The following CHST11 variants were observed in gnomAD, a reference collection of about 807,000 sequenced individuals.
CHST11 encodes the protein C4S-1.
A neutral mutation model predicts 30.4 loss-of-function variants in CHST11; 9 were observed. The ratio of observed to expected loss-of-function variants is 0.30; its 90% CI spans 0.18 to 0.52. The LOEUF is 0.52. Among genes scored for constraint, CHST11 ranks in the 20% least tolerant of loss-of-function variants. CHST11 has a pLI of 0.97. For synonymous variants in CHST11, 152 were observed against 187.8 expected (o/e 0.81, Z 1.56); for missense variants, 348 against 460.6 (o/e 0.76, Z 2.24).
intron 1 of CHST11, among the ~76,000 whole-genome samples, chr12:104,461,815 AT>A (rs1435356253): frequency 6.6e-6 from 1 of 152,156 alleles, no homozygotes; most frequent in African/African-American, 2.4e-5. Context: ...CCTAAAATGC[AT>A]TTTGTATTAT....
At chr12:104,508,517 C>T (rs2037930401) in intron 1 of CHST11, among the ~76,000 whole-genome samples, 1 of 152,212 alleles carries the variant, frequency 6.6e-6, no homozygotes, top group African/African-American at 2.4e-5. Context: ...GGGTGTGCAT[C>T]ATATCCAATA....
intron 2 of CHST11, among the ~76,000 whole-genome samples, chr12:104,618,348 C>G (rs2039129029): frequency 6.6e-6 from 1 of 151,922 alleles, no homozygotes; most frequent in Non-Finnish European, 1.5e-5. Context: ...TTCAGCCTCC[C>G]AAGTAGCTGG....
chr12:104,721,836 C>T (rs2040180009), intron 2 of CHST11, among the ~76,000 whole-genome samples: 2 of 152,156 alleles, frequency 1.3e-5, no homozygotes, highest in South Asian at 2.1e-4. Context: ...GCGATTCCCC[C>T]AATATTCTGA....
intron 2 of CHST11, among the ~76,000 whole-genome samples, chr12:104,691,104 C>T (rs748310665): frequency 7.2e-5 from 11 of 152,194 alleles, no homozygotes; most frequent in Non-Finnish European, 1.3e-4. Context: ...GGGTTCTAGC[C>T]GCAGTCCTGT....
chr12:104,460,371 A>G (rs76501703), intron 1 of CHST11, among the ~76,000 whole-genome samples: 1,728 of 152,238 alleles, frequency 0.011, 52 homozygotes, highest in South Asian at 0.086. Context: ...GGAGAGAAAG[A>G]AAAAAAGGAA....
intron 1 of CHST11, chr12:104,553,098 G>A (rs1057368188): frequency 6.6e-6 from 1 of 152,230 alleles, no homozygotes; most frequent in African/African-American, 2.4e-5. Context: ...TTAAAATGAG[G>A]TGAAGTAACA....
chr12:104,707,910 G>A lies in CHST11; in HGVS notation c.205-49039G>A, dbSNP rs2040050458. 2.0e-5 allele frequency among the ~76,000 whole-genome samples: 3 copies of A among 152,288 alleles called. 1 individual carries two copies. Among genetic ancestry groups the A allele is most frequent in the African/African-American group, 7.2e-5 (3 of 41,564 alleles). On this transcript the variant is annotated intron_variant, in intron 2 of 2. Coordinates refer to ENST00000303694, the MANE Select transcript of CHST11 (RefSeq NM_018413.6). ...GATGTGTGCATATACAAACACACATGTGCACATAGACACATGCAGGCATGC... is the reference window on the plus strand; with the variant it reads ...GATGTGTGCATATACAAACACACATATGCACATAGACACATGCAGGCATGC...
At chr12:104,632,114 G>A (rs143419541) in intron 2 of CHST11, among the ~76,000 whole-genome samples, 1 of 152,146 alleles carries the variant, frequency 6.6e-6, no homozygotes, top group Non-Finnish European at 1.5e-5. Context: ...CGTCCCCGAG[G>A]TGTCTGCAAT....
intron 1 of CHST11, among the ~76,000 whole-genome samples, chr12:104,543,816 T>G (rs1347226957): frequency 6.6e-6 from 1 of 152,064 alleles, no homozygotes; most frequent in Non-Finnish European, 1.5e-5. Flanking sequence ...TTCCCTTTAC[T>G]TTTTTGGGGC....
chr12:104,735,098 G>A (rs1217945143), intron 2 of CHST11, among the ~76,000 whole-genome samples: 1 of 152,232 alleles, frequency 6.6e-6, no homozygotes, highest in East Asian at 1.9e-4. Context: ...TCAGGGAGCA[G>A]AGGTAGGGAT....
At chr12:104,622,172 C>G (rs575721706) in intron 2 of CHST11, among the ~76,000 whole-genome samples, 1 of 152,200 alleles carries the variant, frequency 6.6e-6, no homozygotes, top group South Asian at 2.1e-4. Context: ...ACACATTCAA[C>G]CTGAAATTTA....
chr12:104,704,472 C>T (rs904964928), intron 2 of CHST11, among the ~76,000 whole-genome samples: 2 of 152,230 alleles, frequency 1.3e-5, no homozygotes, highest in African/African-American at 4.8e-5. Flanking sequence ...CAGGTTCTGC[C>T]CAGGCATTCT....
intron 1 of CHST11, among the ~76,000 whole-genome samples, chr12:104,526,714 A>G (rs1243641420): frequency 1.3e-5 from 2 of 152,180 alleles, no homozygotes; most frequent in African/African-American, 4.8e-5. Context: ...CTCCTCAGGT[A>G]GAAATGTTTA....
At chr12:104,519,465 CA>C (rs1471146939) in intron 1 of CHST11, among the ~76,000 whole-genome samples, 5 of 152,164 alleles carry the variant, frequency 3.3e-5, no homozygotes, top group Admixed American at 2.6e-4. Flanking sequence ...TGCCTCGAGG[CA>C]GCCACAGGAT....
At chr12:104,614,916 AC>A (rs2039095124) in intron 2 of CHST11, among the ~76,000 whole-genome samples, 1 of 152,138 alleles carries the variant, frequency 6.6e-6, no homozygotes, top group South Asian at 2.1e-4. Context: ...CTCCATCCAC[AC>A]CCCTCTTCTT....
chr12:104,460,937 T>C (rs2037402267), intron 1 of CHST11, among the ~76,000 whole-genome samples: 3 of 152,186 alleles, frequency 2.0e-5, no homozygotes, highest in Admixed American at 2.0e-4. Context: ...TCCATTTTAA[T>C]CCCGATGTTT....
intron 2 of CHST11, among the ~76,000 whole-genome samples, chr12:104,630,575 T>A (rs1372938368): frequency 6.6e-6 from 1 of 152,150 alleles, no homozygotes; most frequent in African/African-American, 2.4e-5. Context: ...TATCAATGAC[T>A]TGGTAAATTG....
At chr12:104,723,077 C>T (rs954164869) in intron 2 of CHST11, among the ~76,000 whole-genome samples, 5 of 152,176 alleles carry the variant, frequency 3.3e-5, no homozygotes, top group Admixed American at 6.5e-5. Flanking sequence ...TGCCTCAGGA[C>T]TGAGGCCCTG....
intron 1 of CHST11, among the ~76,000 whole-genome samples, chr12:104,505,104 G>A (rs1188598816): frequency 1.3e-5 from 2 of 152,144 alleles, no homozygotes; most frequent in Non-Finnish European, 1.5e-5. Context: ...ACTGGCTTCT[G>A]TAATTTTTGC....
Sources: gnomAD v4.1 joint callset for allele counts (sites outside exome capture counted in the v4.1 genomes callset) on GRCh38, gnomAD v4.1.1 for gene constraint, MANE v1.5 for transcripts, NCBI Gene and HGNC (gene_info 2026-07-23, HGNC 2026-07-21) for gene names.